The following THRB variants were observed in gnomAD, a reference collection of about 807,000 sequenced individuals.
The protein encoded by THRB is nuclear receptor subfamily 1 group A member 2.
Under a neutral mutation model 47.8 loss-of-function variants are expected in THRB, and 12 were observed. The ratio of observed to expected loss-of-function variants is 0.25; its 90% CI spans 0.16 to 0.41. The LOEUF is 0.41. THRB is among the 10% of genes least tolerant of loss of function. The probability of loss-of-function intolerance (pLI) is 1.00; values close to 1 mark genes in which losing one functional copy is unlikely to be tolerated. For missense variants in THRB, 348 were observed against 589.2 expected (o/e 0.59, Z 4.24); for synonymous variants, 218 against 212.2 (o/e 1.03, Z -0.24).
chr3:24,254,101 C>G (rs58819617), intron 3 of THRB, among the ~76,000 whole-genome samples: 1 of 149,596 alleles, frequency 6.7e-6, no homozygotes, highest in Admixed American at 6.7e-5. Context: ...TGGTGGCTCA[C>G]GCCTGTAATC....
intron 2 of THRB, among the ~76,000 whole-genome samples, chr3:24,324,718 C>T (rs535940560): frequency 6.6e-6 from 1 of 152,184 alleles, no homozygotes; most frequent in African/African-American, 2.4e-5. Flanking sequence ...GTCCACAGAT[C>T]CAAGATGTAA....
intron 4 of THRB, among the ~76,000 whole-genome samples, chr3:24,204,226 T>C (rs1357439127): frequency 2.0e-5 from 3 of 152,234 alleles, no homozygotes; most frequent in African/African-American, 7.2e-5. Context: ...CCCCGACCCC[T>C]GAGTAGCCTT....
chr3:24,180,133 TTGACC>T (rs1411746665), intron 5 of THRB, among the ~76,000 whole-genome samples: 16 of 152,042 alleles, frequency 1.1e-4, no homozygotes, highest in African/African-American at 3.9e-4. Context: ...ACCTTTAGTT[TTGACC>T]TTTAGTTTTA....
At chr3:24,369,770 A>G (rs2064768381) in intron 1 of THRB, among the ~76,000 whole-genome samples, 1 of 152,210 alleles carries the variant, frequency 6.6e-6, no homozygotes, top group Non-Finnish European at 1.5e-5. Context: ...ACAACTGAAG[A>G]TGTATTTCTT....
At chr3:24,495,109 CCCGCTTCCCGGG>C (rs1389769514), upstream of THRB, 1 of 152,350 alleles carries the variant, frequency 6.6e-6, no homozygotes, top group African/African-American at 2.4e-5. Flanking sequence ...CCCGCCCCGG[CCCGCTTCCCGGG>C]CGCTGTCTTA....
At chr3:24,455,563 A>G (rs891227561) in intron 1 of THRB, 1 of 152,232 alleles carries the variant, frequency 6.6e-6, no homozygotes, top group Non-Finnish European at 1.5e-5. Flanking sequence ...TGGTATCAAC[A>G]TAATACTTTT....
In THRB at chr3:24,436,024, G is replaced by T. The variant is rs74878138; in HGVS notation, c.-261+58628C>A. Reference sequence around the variant, plus strand: ...GTGGGAGAAAGTGGGGATTGGGAGAGAATTAAAAATGACACTTACGTACTG... The same window carrying T: ...GTGGGAGAAAGTGGGGATTGGGAGATAATTAAAAATGACACTTACGTACTG... On this transcript the variant is annotated intron_variant, in intron 1 of 10. Transcript: ENST00000646209. Among the ~76,000 whole-genome samples the T allele has an allele frequency of 8.8e-3, 1,337 of 152,204 alleles. 6 individuals are homozygous for T. Among genetic ancestry groups the T allele is most frequent in the Non-Finnish European group, 0.014 (958 of 68,018 alleles).
chr3:24,372,789 AG>A (rs2065011803), intron 1 of THRB, among the ~76,000 whole-genome samples: 1 of 152,150 alleles, frequency 6.6e-6, no homozygotes, highest in African/African-American at 2.4e-5. Context: ...GCTGGAGTCA[AG>A]ACTGGAATGC....
intron 1 of THRB, among the ~76,000 whole-genome samples, chr3:24,373,361 T>A (rs2065051347): frequency 6.6e-6 from 1 of 152,142 alleles, no homozygotes; most frequent in Admixed American, 6.6e-5. Flanking sequence ...CCCAGTCTGA[T>A]CCTTTCTGAA....
chr3:24,396,522 T>G (rs1047025734), intron 1 of THRB, among the ~76,000 whole-genome samples: 4 of 152,108 alleles, frequency 2.6e-5, no homozygotes, highest in African/African-American at 9.7e-5. Context: ...GTGATGCTAA[T>G]TGTCACCTGC....
intron 1 of THRB, among the ~76,000 whole-genome samples, chr3:24,472,975 G>C (rs1305527913): frequency 6.6e-6 from 1 of 152,048 alleles, no homozygotes; most frequent in Non-Finnish European, 1.5e-5. Flanking sequence ...CTCAAGATGA[G>C]CTTATCTGTG....
chr3:24,226,939 T>C (rs1306819221), intron 4 of THRB, among the ~76,000 whole-genome samples: 1 of 152,118 alleles, frequency 6.6e-6, no homozygotes, highest in Non-Finnish European at 1.5e-5. Context: ...TCACTGGCCC[T>C]TTACAACAAC....
At chr3:24,209,873 C>T (rs1027815727) in intron 4 of THRB, among the ~76,000 whole-genome samples, 2 of 151,910 alleles carry the variant, frequency 1.3e-5, no homozygotes, top group Non-Finnish European at 1.5e-5. Flanking sequence ...AAGATACAAA[C>T]ATTTCTAGTA....
intron 5 of THRB, among the ~76,000 whole-genome samples, chr3:24,184,615 G>A (rs554425111): frequency 3.3e-5 from 5 of 152,110 alleles, no homozygotes; most frequent in Admixed American, 6.5e-5. Flanking sequence ...TGGGGTACTC[G>A]TCCCTGCCTT....
At chr3:24,355,116 C>T (rs1399469355) in intron 1 of THRB, among the ~76,000 whole-genome samples, 1 of 152,096 alleles carries the variant, frequency 6.6e-6, no homozygotes, top group African/African-American at 2.4e-5. Flanking sequence ...AAACTAACAT[C>T]CTCAATAATG....
At chr3:24,210,846 A>G (rs1196791100) in intron 4 of THRB, among the ~76,000 whole-genome samples, 4 of 152,218 alleles carry the variant, frequency 2.6e-5, no homozygotes, top group Non-Finnish European at 4.4e-5. Context: ...GTCAGCTTCA[A>G]TCAATGGAGT....
chr3:24,172,726 A>G, intron 5 of THRB, among the ~76,000 whole-genome samples: 1 of 152,212 alleles, frequency 6.6e-6, no homozygotes, highest in Non-Finnish European at 1.5e-5. Flanking sequence ...CTCAGGGACC[A>G]AGCTGATGGA....
At chr3:24,431,158 G>A (rs1215915368) in intron 1 of THRB, 7 of 151,398 alleles carry the variant, frequency 4.6e-5, no homozygotes, top group Non-Finnish European at 1.0e-4. Context: ...AATAACATAT[G>A]TTCATTTAAA....
At position 24,236,195 on chromosome 3, in the gene THRB, G is replaced by A. The variant is rs187461665; in HGVS notation, c.-42-7194C>T. 2.5e-3 allele frequency among the ~76,000 whole-genome samples: 388 copies of A among 152,274 alleles called. 1 individual carries two copies. Among genetic ancestry groups the A allele is most frequent in the African/African-American group, 8.9e-3 (369 of 41,558 alleles). ...CAAACCTTTGACTCTGGTATTTGGGGAATATTTTAAAGAACAAGTCCAATC... is the reference window on the plus strand; with the variant it reads ...CAAACCTTTGACTCTGGTATTTGGGAAATATTTTAAAGAACAAGTCCAATC... On this transcript the variant is annotated intron_variant, in intron 3 of 10. Coordinates refer to ENST00000646209, the MANE Select transcript of THRB (RefSeq NM_001354712.2).
Sources: allele counts gnomAD v4.1 joint callset (sites outside exome capture counted in the v4.1 genomes callset), GRCh38; gene constraint gnomAD v4.1.1; transcripts MANE v1.5; gene names NCBI Gene and HGNC (gene_info 2026-07-23, HGNC 2026-07-21).